NOL10: variants seen among roughly 807,000 people sequenced by gnomAD.
The protein encoded by NOL10 is H_NH0074G24.1.
NOL10 carries 58 observed loss-of-function variants against 103.5 expected under a neutral mutation model. That is an observed-to-expected ratio of 0.56 (90% CI 0.45 to 0.70). The LOEUF (loss-of-function observed/expected upper bound fraction) is 0.70, where lower values mean the gene tolerates loss of function less well. Among genes scored for constraint, NOL10 ranks in the 30% least tolerant of loss-of-function variants. The probability of loss-of-function intolerance (pLI) is 0.00; values close to 1 mark genes in which losing one functional copy is unlikely to be tolerated. For missense variants in NOL10, 763 were observed against 807.3 expected (o/e 0.95, Z 0.67); for synonymous variants, 287 against 282.5 (o/e 1.02, Z -0.16).
intron 13 of NOL10, among the ~76,000 whole-genome samples, chr2:10,613,266 T>G (rs1676664819): frequency 6.6e-6 from 1 of 152,168 alleles, no homozygotes; most frequent in South Asian, 2.1e-4. Flanking sequence ...CAGCAATACT[T>G]ATGTGGAAGG....
At chr2:10,636,445 A>AC (rs1678231175) in intron 13 of NOL10, among the ~76,000 whole-genome samples, 1 of 139,794 alleles carries the variant, frequency 7.2e-6, no homozygotes, top group African/African-American at 2.6e-5. Flanking sequence ...AAAAAAAAAA[A>AC]ACACCAAACA....
chr2:10,603,453 A>G (rs1327482372), intron 14 of NOL10, among the ~76,000 whole-genome samples: 3 of 152,168 alleles, frequency 2.0e-5, no homozygotes. Context: ...TTTTATTTCC[A>G]CAAACAAGTT....
chr2:10,660,767 A>G (rs1217030935), intron 9 of NOL10, among the ~76,000 whole-genome samples: 1 of 151,992 alleles, frequency 6.6e-6, no homozygotes, highest in Admixed American at 6.6e-5. Context: ...GTTCTTATAG[A>G]TTTTCAGTTA....
At chr2:10,646,114 A>T (rs982356468) in intron 12 of NOL10, among the ~76,000 whole-genome samples, 1 of 152,162 alleles carries the variant, frequency 6.6e-6, no homozygotes, top group Non-Finnish European at 1.5e-5. Flanking sequence ...GGCCTTCCAA[A>T]CAACGTTCAC....
intron 13 of NOL10, among the ~76,000 whole-genome samples, chr2:10,613,204 C>A (rs746729390): frequency 6.6e-6 from 1 of 152,028 alleles, no homozygotes; most frequent in Non-Finnish European, 1.5e-5. Context: ...GTACAGTATA[C>A]CCTATAAAAA....
intron 13 of NOL10, among the ~76,000 whole-genome samples, chr2:10,632,111 T>C (rs114633643): frequency 0.033 from 5,053 of 152,260 alleles, 291 homozygotes; most frequent in African/African-American, 0.12. Flanking sequence ...ACGCTCCAAA[T>C]TGCAGTAATC....
Position 10,603,167 on chromosome 2 carries a change from G to A in NOL10, c.1154-10C>T. ...ATGAGGTGGGTGAGCCCTGGGAAAGGTCAAACAGAAGACAGCAGGTCCTTA... is the reference window on the plus strand; with the variant it reads ...ATGAGGTGGGTGAGCCCTGGGAAAGATCAAACAGAAGACAGCAGGTCCTTA... On this transcript the variant is annotated splice_polypyrimidine_tract_variant and intron_variant, in intron 14 of 20. Coordinates refer to ENST00000381685, the MANE Select transcript of NOL10 (RefSeq NM_024894.4). 1 of 1,605,208 alleles carries A rather than the reference G, an allele frequency of 6.2e-7. No individual in the cohort carries two copies. The highest frequency in any genetic ancestry group is 2.2e-5 in the East Asian group (1 of 44,698).
At chr2:10,654,953 T>C (rs1331030287) in intron 11 of NOL10, among the ~76,000 whole-genome samples, 1 of 152,096 alleles carries the variant, frequency 6.6e-6, no homozygotes, top group Non-Finnish European at 1.5e-5. Context: ...CTCACACCTG[T>C]AATACCAGCA....
intron 8 of NOL10, among the ~76,000 whole-genome samples, chr2:10,664,931 A>T (rs1002461667): frequency 2.6e-5 from 4 of 152,256 alleles, no homozygotes; most frequent in African/African-American, 9.6e-5. Context: ...AAACAGGAAT[A>T]GGACAGGGTG....
At chr2:10,626,180 C>CA (rs1270676177) in intron 13 of NOL10, among the ~76,000 whole-genome samples, 1 of 151,700 alleles carries the variant, frequency 6.6e-6, no homozygotes, top group Non-Finnish European at 1.5e-5. Flanking sequence ...GACCCTGTCT[C>CA]AAAAAATAAT....
chr2:10,636,145 C>T (rs1678195543), intron 13 of NOL10, among the ~76,000 whole-genome samples: 1 of 152,186 alleles, frequency 6.6e-6, no homozygotes, highest in African/African-American at 2.4e-5. Context: ...GCCTCGGCCT[C>T]CCAAAGTGCT....
At position 10,684,436 on chromosome 2, in the gene NOL10, A is replaced by C; in HGVS notation, c.112+131T>G. 15 of 734,744 alleles carry C rather than the reference A, an allele frequency of 2.0e-5. 1 individual carries two copies. The Middle Eastern group carries it at 2.7e-3, about 131-fold the overall frequency. 45.5% of individuals were successfully genotyped at this position (734,744 alleles called of 1,614,324 possible). A position where few individuals can be genotyped will look rare whatever the true frequency, so the allele number is the denominator to read the frequency against. On this transcript the variant is annotated intron_variant, in intron 2 of 20. Coordinates refer to ENST00000381685, the MANE Select transcript of NOL10 (RefSeq NM_024894.4). ...TGTCAAAGGAAAAAAAAGAAAAGGG[A>C]CAAGAGCATTCATTTTCCACTACAT... is the stretch of plus-strand genomic sequence containing the variant.
chr2:10,592,988 A>T (rs1675468598), intron 17 of NOL10, among the ~76,000 whole-genome samples: 1 of 152,226 alleles, frequency 6.6e-6, no homozygotes, highest in South Asian at 2.1e-4. Context: ...TACCATTAAA[A>T]TATAGAAAAC....
chr2:10,601,685 C>T (rs1016984790), intron 16 of NOL10, among the ~76,000 whole-genome samples: 7 of 152,070 alleles, frequency 4.6e-5, no homozygotes, highest in South Asian at 2.1e-4. Flanking sequence ...TGGTAGTGTG[C>T]GCCTATAGTC....
chr2:10,572,317 C>T, intron 20 of NOL10, 127 bp from the exon 21 acceptor site: 1 of 993,264 alleles, frequency 1.0e-6, no homozygotes. Context: ...ATGCTGCCCA[C>T]AGGCTCCAGG....
At position 10,652,239 on chromosome 2, in the gene NOL10, C is replaced by CA. The variant is rs58611799; in HGVS notation, c.973+2241dup. On this transcript the variant is annotated intron_variant, in intron 12 of 20. Coordinates refer to ENST00000381685, the MANE Select transcript of NOL10 (RefSeq NM_024894.4). ...TGGGGGACAGAGGGAGACTCTGTCT[C>CA]AAAAAAAAAAAAGAAAAAAAAGAAA... Among the ~76,000 whole-genome samples, 219 of 144,316 alleles carry CA rather than the reference C, an allele frequency of 1.5e-3. 1 individual carries two copies. Among genetic ancestry groups the CA allele is most frequent in the African/African-American group, 2.3e-3 (88 of 38,110 alleles). 94.7% of individuals were successfully genotyped at this position (144,316 alleles called of 152,430 possible). A position where few individuals can be genotyped will look rare whatever the true frequency, so the allele number is the denominator to read the frequency against.
intron 17 of NOL10, among the ~76,000 whole-genome samples, chr2:10,590,072 C>CAAAA (rs5829271): frequency 4.0e-5 from 6 of 151,780 alleles, no homozygotes; most frequent in African/African-American, 1.5e-4. Flanking sequence ...CATTTTAATG[C>CAAAA]AAAAAAACAC....
Position 10,688,678 on chromosome 2 carries a change from C to T in NOL10, c.66+1118G>A, listed in dbSNP as rs1383627053. 5.3e-5 allele frequency among the ~76,000 whole-genome samples: 8 copies of T among 152,354 alleles called. No homozygotes were observed. The East Asian group carries it at 1.5e-3, about 29-fold the overall frequency. The stretch of plus-strand genomic sequence containing the variant: ...ACTACCTTAAATTGCCTTATTTGCT[C>T]ACTTGTTTATTTCCCTTTTCCCCAA... On this transcript the variant is annotated intron_variant, in intron 1 of 20. Transcript: ENST00000381685.
chr2:10,623,835 A>G (rs1861300), intron 13 of NOL10, among the ~76,000 whole-genome samples: 46,656 of 152,130 alleles, frequency 0.31, 7,899 homozygotes, highest in Non-Finnish European at 0.39. Flanking sequence ...TAAAACAACA[A>G]TAAGATACTA....
Sources: allele counts gnomAD v4.1 joint callset (sites outside exome capture counted in the v4.1 genomes callset), GRCh38; gene constraint gnomAD v4.1.1; transcripts MANE v1.5; gene names NCBI Gene and HGNC (gene_info 2026-07-23, HGNC 2026-07-21).